The following CSMD1 variants were observed in gnomAD, a reference collection of about 807,000 sequenced individuals.
The protein encoded by CSMD1 is CUB and sushi domain-containing protein 1.
In CSMD1, 213 loss-of-function variants were observed where a neutral mutation model predicts 417.5. That is an observed-to-expected ratio of 0.51 (90% CI 0.46 to 0.57). The LOEUF is 0.57. Ranked by LOEUF, CSMD1 falls within the 20% of genes least tolerant of loss-of-function variation. The pLI is 0.00. For synonymous variants in CSMD1, 2,862 were observed against 1,736.8 expected (o/e 1.65, Z -16.11); for missense variants, 6,923 against 4,529.7 (o/e 1.53, Z -15.17).
Position 4,748,719 on chromosome 8 carries a change from A to G in CSMD1, c.86-111161T>C, listed in dbSNP as rs373895361. On this transcript the variant is annotated intron_variant, in intron 1 of 69. Transcript: ENST00000635120. ...GCCCACACCTGAGTTGCAGATATTC[A>G]AAGAATACTCAAAGTAAAATGCATT... Among the ~76,000 whole-genome samples the G allele has an allele frequency of 2.0e-5, 3 of 152,242 alleles. 1 individual carries two copies. Among genetic ancestry groups the G allele is most frequent in the African/African-American group, 7.2e-5 (3 of 41,464 alleles).
intron 37 of CSMD1, among the ~76,000 whole-genome samples, chr8:3,170,243 T>G (rs1820492602): frequency 6.6e-6 from 1 of 152,256 alleles, no homozygotes; most frequent in Non-Finnish European, 1.5e-5. Flanking sequence ...AGTCTCGCTC[T>G]GTGGCCCAGG....
chr8:3,857,847 T>G (rs556440462), intron 5 of CSMD1, among the ~76,000 whole-genome samples: 1 of 152,248 alleles, frequency 6.6e-6, no homozygotes, highest in East Asian at 1.9e-4. Flanking sequence ...ATACCTAGAG[T>G]TACCTTTGCT....
chr8:4,040,613 C>A (rs569085373), intron 3 of CSMD1, among the ~76,000 whole-genome samples: 2 of 152,134 alleles, frequency 1.3e-5, no homozygotes, highest in Non-Finnish European at 2.9e-5. Flanking sequence ...ATTGGGGAGA[C>A]TTACGATGTT....
intron 18 of CSMD1, among the ~76,000 whole-genome samples, chr8:3,386,956 G>C (rs1471977191): frequency 6.6e-6 from 1 of 152,142 alleles, no homozygotes; most frequent in Non-Finnish European, 1.5e-5. Flanking sequence ...TATTTGTCTT[G>C]AGATTCCCAA....
intron 3 of CSMD1, among the ~76,000 whole-genome samples, chr8:4,413,875 T>C (rs1035710797): frequency 6.6e-6 from 1 of 152,184 alleles, no homozygotes; most frequent in Admixed American, 6.5e-5. Context: ...ACAGGAAGGA[T>C]ACCTGGGTTT....
chr8:4,287,002 C>T (rs966210475), intron 3 of CSMD1, among the ~76,000 whole-genome samples: 3 of 152,226 alleles, frequency 2.0e-5, no homozygotes, highest in East Asian at 1.9e-4. Context: ...AGAAAAAGGG[C>T]TAAGTTTCAC....
intron 5 of CSMD1, among the ~76,000 whole-genome samples, chr8:3,988,862 C>A (rs1031984603): frequency 3.3e-5 from 5 of 152,128 alleles, no homozygotes; most frequent in African/African-American, 4.8e-5. Context: ...GATATTATTA[C>A]TGTTGTTATT....
At chr8:2,985,468 T>G (rs2128942949) in intron 54 of CSMD1, among the ~76,000 whole-genome samples, 1 of 152,340 alleles carries the variant, frequency 6.6e-6, no homozygotes, top group Non-Finnish European at 1.5e-5. Flanking sequence ...AGGAGACTGG[T>G]GTGATACTGC....
chr8:3,207,375 C>A (rs900861750), intron 30 of CSMD1, among the ~76,000 whole-genome samples: 3 of 151,458 alleles, frequency 2.0e-5, no homozygotes, highest in African/African-American at 7.3e-5. Flanking sequence ...GAACTCCTGA[C>A]CTCATGATCC....
At position 3,369,260 on chromosome 8, in the gene CSMD1, C is replaced by T. The variant is rs780562073; in HGVS notation, c.2893G>A (p.Gly965Arg). The change falls in exon 19 of 70, where the codon GGG becomes AGG. Residue 965 changes from glycine to arginine, a missense_variant. Physicochemically the swap from Gly to Arg is moderately radical, Grantham distance 125. Transcript: ENST00000635120. ...ACCTATGATAGATTCTTACCTTTCC[C>T]ATGAGACACTTCAATGGTCCACGTG... The part of the protein sequence containing the change: ...NCTWTIEVSH[G>R]KGVQMIFHTF... The T allele has an allele frequency of 2.4e-5, 37 of 1,512,710 alleles. No individual in the cohort carries two copies. Among genetic ancestry groups the T allele is most frequent in the Non-Finnish European group, 3.3e-5 (36 of 1,089,116 alleles). 93.7% of individuals were successfully genotyped at this position (1,512,710 alleles called of 1,614,324 possible).
chr8:4,702,385 T>G (rs1052741843), intron 1 of CSMD1, among the ~76,000 whole-genome samples: 2 of 152,242 alleles, frequency 1.3e-5, no homozygotes, highest in African/African-American at 4.8e-5. Flanking sequence ...ATTCCAAGAA[T>G]TGACTTTTGA....
intron 5 of CSMD1, among the ~76,000 whole-genome samples, chr8:3,985,448 C>T (rs561898229): frequency 3.9e-5 from 6 of 152,184 alleles, no homozygotes; most frequent in East Asian, 1.9e-4. Context: ...CACACCTGGG[C>T]GTGCACACTC....
intron 25 of CSMD1, among the ~76,000 whole-genome samples, chr8:3,304,733 T>TTTTTAA (rs1554507769): frequency 6.6e-6 from 1 of 150,918 alleles, no homozygotes; most frequent in African/African-American, 2.5e-5. Flanking sequence ...TTTTTCTCTT[T>TTTTTAA]TTAATTTTTT....
At chr8:3,750,357 T>G (rs956956153) in intron 6 of CSMD1, among the ~76,000 whole-genome samples, 1 of 149,888 alleles carries the variant, frequency 6.7e-6, no homozygotes, top group Non-Finnish European at 1.5e-5. Flanking sequence ...TATATATGAT[T>G]CAGGTTAAAT....
rs1421868694 is a variant in CSMD1, at chr8:4,212,025, G to A, written c.416-179926C>T. Among the ~76,000 whole-genome samples, 2 of 152,020 alleles carry A rather than the reference G, an allele frequency of 1.3e-5. 1 individual carries two copies. Among genetic ancestry groups the A allele is most frequent in the South Asian group, 4.1e-4 (2 of 4,828 alleles). On this transcript the variant is annotated intron_variant, in intron 3 of 69. Coordinates refer to ENST00000635120, the MANE Select transcript of CSMD1 (RefSeq NM_033225.6). Reference sequence around the variant, plus strand: ...AGTTGAAACTTGCATTTGTGCAGCTGTAATGCAATAAAAGGACCTTAATAA... The same window carrying A: ...AGTTGAAACTTGCATTTGTGCAGCTATAATGCAATAAAAGGACCTTAATAA...
At chr8:3,717,374 G>T (rs1474792341) in intron 6 of CSMD1, among the ~76,000 whole-genome samples, 1 of 152,078 alleles carries the variant, frequency 6.6e-6, no homozygotes, top group East Asian at 1.9e-4. Flanking sequence ...TATAATAAAA[G>T]ATATACACTG....
At chr8:4,076,140 T>C (rs1468083068) in intron 3 of CSMD1, among the ~76,000 whole-genome samples, 1 of 152,174 alleles carries the variant, frequency 6.6e-6, no homozygotes, top group Non-Finnish European at 1.5e-5. Context: ...AGGAGGTAAC[T>C]GAATCATGCG....
intron 10 of CSMD1, among the ~76,000 whole-genome samples, chr8:3,519,054 C>T (rs1243822748): frequency 6.6e-6 from 1 of 152,068 alleles, no homozygotes; most frequent in Admixed American, 6.6e-5. Flanking sequence ...TTTAAAAATC[C>T]TCTTAAAACC....
intron 33 of CSMD1, among the ~76,000 whole-genome samples, chr8:3,195,054 T>C (rs189904327): frequency 4.5e-4 from 68 of 152,332 alleles, no homozygotes; most frequent in African/African-American, 1.6e-3. Context: ...TTTACTCATT[T>C]TGGTGTGACT....
Sources: gnomAD v4.1 joint callset for allele counts (sites outside exome capture counted in the v4.1 genomes callset) on GRCh38, gnomAD v4.1.1 for gene constraint, MANE v1.5 for transcripts, NCBI Gene and HGNC (gene_info 2026-07-23, HGNC 2026-07-21) for gene names.